The following NMRK2 variants were observed in gnomAD, a reference collection of about 807,000 sequenced individuals.
The protein encoded by NMRK2 is NRK 2.
NMRK2 carries 34 observed loss-of-function variants against 24.7 expected under a neutral mutation model. The ratio of observed to expected loss-of-function variants is 1.37; its 90% CI spans 1.05 to 1.83. NMRK2 has a LOEUF of 1.83. Among genes scored for constraint, NMRK2 ranks in the 40% most tolerant of loss-of-function variants. NMRK2 has a pLI of 0.00. For synonymous variants in NMRK2, 145 were observed against 125.6 expected, an observed-to-expected ratio of 1.15 and a Z score of -1.03; for missense variants, 341 against 315.0, an observed-to-expected ratio of 1.08 and a Z score of -0.62.
Position 3,933,587 on chromosome 19 carries a change from C to G in NMRK2, c.-85C>G. The G allele has an allele frequency of 6.8e-7, 1 of 1,467,734 alleles. No individual in the cohort carries two copies. The highest frequency in any genetic ancestry group is 9.1e-7 in the Non-Finnish European group (1 of 1,097,882). 90.9% of individuals were successfully genotyped at this position (1,467,734 alleles called of 1,614,324 possible). The stretch of plus-strand genomic sequence containing the variant: ...AAGGCGCCAGGTTTTCTCAATGAAG[C>G]CGGGACGCACTCCGGAGCGCACTGC... On this transcript the variant is annotated 5_prime_UTR_variant, in exon 2 of 8. Transcript: ENST00000168977.
At chr19:3,938,787 G>T (rs1450770291) in intron 5 of NMRK2, 28 bp downstream of exon 5, 28 of 1,464,410 alleles carry the variant, frequency 1.9e-5, no homozygotes, top group Admixed American at 4.4e-5. Context: ...CTGGCCCCAG[G>T]CATGGCCCTC....
chr19:3,934,668 G>A lies in NMRK2; in HGVS notation c.26+971G>A, dbSNP rs529624916. ...GTGATCTCGGCTCACTGCAAGCTCC[G>A]CCTCCCGGGTTCAAGCAATTCTCCT... On this transcript the variant is annotated intron_variant, in intron 2 of 7. Coordinates refer to ENST00000168977, the MANE Select transcript of NMRK2 (RefSeq NM_170678.3). Among the ~76,000 whole-genome samples, 5 of 150,294 alleles carry A rather than the reference G, an allele frequency of 3.3e-5. No homozygotes were observed. The East Asian group carries it at 5.9e-4, about 18-fold the overall frequency.
intron 2 of NMRK2, among the ~76,000 whole-genome samples, chr19:3,934,651 G>A (rs1274275933): frequency 3.3e-5 from 5 of 150,888 alleles, no homozygotes; most frequent in East Asian, 1.9e-4. Flanking sequence ...GTGTGATCTC[G>A]GCTCACTGCA....
In NMRK2 at chr19:3,940,381, C is replaced by T. The variant is rs547140717; in HGVS notation, c.395+410C>T. Among the ~76,000 whole-genome samples, 10 of 145,952 alleles carry T rather than the reference C, an allele frequency of 6.9e-5. No individual in the cohort carries two copies. The South Asian group carries it at 2.2e-3, about 33-fold the overall frequency. ...AAAAAGGCGGCCAGGCGCGGTGGCTCACGCCTGTAATCCCAGCACTTTGGG... is the reference window on the plus strand; with the variant it reads ...AAAAAGGCGGCCAGGCGCGGTGGCTTACGCCTGTAATCCCAGCACTTTGGG... On this transcript the variant is annotated intron_variant, in intron 6 of 7. Transcript: ENST00000168977.
At chr19:3,939,385 G>GCA (rs2039285812) in intron 5 of NMRK2, among the ~76,000 whole-genome samples, 1 of 151,936 alleles carries the variant, frequency 6.6e-6, no homozygotes, top group Non-Finnish European at 1.5e-5. Context: ...GTGGTGGCGT[G>GCA]TGCCTGTAAT....
Position 3,933,710 on chromosome 19 carries a change from G to C in NMRK2, c.26+13G>C. ...TGGGCATCGGAGGGTGAGCGCCGGG[G>C]GACCTGGTGGGCGGCCCTGCGGGGC... On this transcript the variant is annotated intron_variant, in intron 2 of 7. Transcript: ENST00000168977. 1.4e-6 allele frequency: 2 copies of C among 1,428,508 alleles called. No homozygotes were observed. Among genetic ancestry groups the C allele is most frequent in the East Asian group, 2.8e-5 (1 of 35,576 alleles). The allele number at this position is 1,428,508 out of a possible 1,614,324, so 88.5% of individuals were successfully genotyped here. A position where few individuals can be genotyped will look rare whatever the true frequency, so the allele number is the denominator to read the frequency against.
chr19:3,936,400 T>G (rs1255948789), intron 2 of NMRK2, among the ~76,000 whole-genome samples, 175 bp from the exon 3 acceptor site: 4 of 145,912 alleles, frequency 2.7e-5, no homozygotes, highest in Non-Finnish European at 6.1e-5. Context: ...AGAGCAAGAC[T>G]TGGTCTCAAA....
At chr19:3,941,313 G>A (rs1180374960) in intron 7 of NMRK2, 136 bp downstream of exon 7, 6 of 543,448 alleles carry the variant, frequency 1.1e-5, no homozygotes, top group South Asian at 4.5e-5. Context: ...ACAGTGGCAC[G>A]ATCTTGGCTC....
chr19:3,937,244 A>G lies in NMRK2; in HGVS notation c.122A>G (p.Gln41Arg), dbSNP rs752401346. 3.1e-6 allele frequency: 5 copies of G among 1,613,262 alleles called. No individual in the cohort carries two copies. Among genetic ancestry groups the G allele is most frequent in the Non-Finnish European group, 4.2e-6 (5 of 1,179,528 alleles). ...GTTCAGGCTCCTCTGTTTCAGCCCCAAGACCAAATAGCAGTTGGGGAAGAC... is the reference window on the plus strand; with the variant it reads ...GTTCAGGCTCCTCTGTTTCAGCCCCGAGACCAAATAGCAGTTGGGGAAGAC... ...VIHQDDFFKP[Q>R]DQIAVGEDGF... Residue 41 changes from glutamine (Q) to arginine (R), a missense_variant, in exon 4 of 8, where the codon CAA (glutamine) becomes CGA (arginine). Transcript: ENST00000168977.
In NMRK2 at chr19:3,942,164, C is replaced by T. The variant is rs1294257906; in HGVS notation, c.584C>T (p.Ser195Phe). 4 of 1,613,210 alleles carry T rather than the reference C, an allele frequency of 2.5e-6. No individual in the cohort carries two copies. The highest frequency in any genetic ancestry group is 1.1e-5 in the South Asian group (1 of 91,090). Residue 195 changes from serine (S) to phenylalanine (F), a missense_variant, in exon 8 of 8, where the codon TCC (serine) becomes TTC (phenylalanine). Transcript: ENST00000168977. ...EDIQNSLLNR[S>F]QESAPSPARP... Reference sequence around the variant, plus strand: ...ATTCAGAACTCGCTGCTGAACCGCTCCCAGGAATCAGCCCCCTCCCCGGCT... The same window carrying T: ...ATTCAGAACTCGCTGCTGAACCGCTTCCAGGAATCAGCCCCCTCCCCGGCT...
rs1568458659 is a variant in NMRK2 at position 3,933,666 on chromosome 19, A to C, written c.-6A>C. The C allele has an allele frequency of 4.7e-5, 71 of 1,515,972 alleles. No individual in the cohort carries two copies. The highest frequency in any genetic ancestry group is 5.6e-5 in the Non-Finnish European group (63 of 1,134,006). 93.9% of individuals were successfully genotyped at this position (1,515,972 alleles called of 1,614,324 possible). ...GAAGTCGTCCCCGCCGCCCCTCCGC[A>C]CCGGCATGAAGCTCATCGTGGGCAT... On this transcript the variant is annotated 5_prime_UTR_variant, in exon 2 of 8. Coordinates refer to ENST00000168977, the MANE Select transcript of NMRK2 (RefSeq NM_170678.3).
At chr19:3,938,040 C>T (rs1230730608) in intron 4 of NMRK2, among the ~76,000 whole-genome samples, 9 of 136,824 alleles carry the variant, frequency 6.6e-5, no homozygotes, top group Admixed American at 1.5e-4. Flanking sequence ...GCAATACCTG[C>T]TCCCCGTCCA....
At chr19:3,941,643 ATTTT>A (rs1301703317) in intron 7 of NMRK2, among the ~76,000 whole-genome samples, 1 of 144,510 alleles carries the variant, frequency 6.9e-6, no homozygotes, top group African/African-American at 2.6e-5. Context: ...CCCTCTTGCT[ATTTT>A]TGTTGTTGTT....
chr19:3,939,565 C>CT lies in NMRK2; in HGVS notation c.324-333dup, dbSNP rs1359657868. 1.8e-4 allele frequency among the ~76,000 whole-genome samples: 27 copies of CT among 152,202 alleles called. 1 individual carries two copies. The highest frequency in any genetic ancestry group is 1.8e-3 in the Admixed American group (27 of 15,266). On this transcript the variant is annotated intron_variant, in intron 5 of 7. Coordinates refer to ENST00000168977, the MANE Select transcript of NMRK2 (RefSeq NM_170678.3). ...AAGTCTGGGACAAACAGCCACCCTT[C>CT]TTGGGGAGACTGAGTCTTTCTTCTG...
At chr19:3,935,014 T>A (rs888608886) in intron 2 of NMRK2, among the ~76,000 whole-genome samples, 2 of 152,228 alleles carry the variant, frequency 1.3e-5, no homozygotes, top group South Asian at 2.1e-4. Flanking sequence ...ATTTAAAAAA[T>A]TATTAATACC....
intron 7 of NMRK2, among the ~76,000 whole-genome samples, chr19:3,941,736 G>A (rs1159829079): frequency 6.6e-6 from 1 of 151,274 alleles, no homozygotes; most frequent in Non-Finnish European, 1.5e-5. Flanking sequence ...TCCGCCTCCC[G>A]GGTTCAAGCC....
chr19:3,934,554 GTTTTT>G (rs34611890), intron 2 of NMRK2, among the ~76,000 whole-genome samples: 2 of 143,548 alleles, frequency 1.4e-5, no homozygotes, highest in East Asian at 4.2e-4. Context: ...GTTTTTTGGG[GTTTTT>G]TTTTTTGGGG....
At chr19:3,940,219 C>T (rs1405883593) in intron 6 of NMRK2, among the ~76,000 whole-genome samples, 1 of 147,884 alleles carries the variant, frequency 6.8e-6, no homozygotes, top group African/African-American at 2.5e-5. Flanking sequence ...TAGTGGCGTG[C>T]ACCTGTAATT....
rs12981763 is a variant in NMRK2, at chr19:3,938,823, T to G, written c.323+64T>G. ...TCTGGGCGGGTATAGCCATCTCTTG[T>G]TTTTTTTTTTTTTTTTTTTTGTTTT... On this transcript the variant is annotated intron_variant, in intron 5 of 7. Coordinates refer to ENST00000168977, the MANE Select transcript of NMRK2 (RefSeq NM_170678.3). The G allele has an allele frequency of 4.2e-5, 11 of 262,398 alleles. No homozygotes were observed. In the African/African-American group the frequency reaches 6.3e-4, roughly 15 times the overall value. The allele number at this position is 262,398 out of a possible 1,614,324, so 16.3% of individuals were successfully genotyped here. A position where few individuals can be genotyped will look rare whatever the true frequency, so the allele number is the denominator to read the frequency against.
Sources: gnomAD v4.1 joint callset for allele counts (sites outside exome capture counted in the v4.1 genomes callset) on GRCh38, gnomAD v4.1.1 for gene constraint, MANE v1.5 for transcripts, NCBI Gene and HGNC (gene_info 2026-07-23, HGNC 2026-07-21) for gene names.